PDZD2: variants seen among roughly 807,000 people sequenced by gnomAD.
PDZD2 encodes PDZ domain-containing protein 2.
In PDZD2, 90 loss-of-function variants were observed where a neutral mutation model predicts 220.7. That is an observed-to-expected ratio of 0.41 (90% CI 0.34 to 0.49). The LOEUF is 0.49. Among genes scored for constraint, PDZD2 ranks in the 20% least tolerant of loss-of-function variants. PDZD2 has a pLI of 0.28. For synonymous variants in PDZD2, 1,375 were observed against 1,450.5 expected, an observed-to-expected ratio of 0.95 and a Z score of 1.18; for missense variants, 3,174 against 3,608.5, an observed-to-expected ratio of 0.88 and a Z score of 3.08.
intron 2 of PDZD2, among the ~76,000 whole-genome samples, chr5:31,961,817 T>A (rs1056663442): frequency 2.6e-5 from 4 of 152,156 alleles, no homozygotes; most frequent in Non-Finnish European, 4.4e-5. Flanking sequence ...CTAATTTCTG[T>A]ATTTTTAGTA....
rs1743972832 is a variant in PDZD2 at position 32,098,771 on chromosome 5, G to A, written c.8218+137G>A. On this transcript the variant is annotated intron_variant, in intron 23 of 24. Coordinates refer to ENST00000438447, the MANE Select transcript of PDZD2 (RefSeq NM_178140.4). This position sits in a 1 kb window ranked among gnomAD's most constrained non-coding sequence, Gnocchi z 4.1. ...AAATGTAGCGAAGTCTAGTGTGTTT[G>A]GATGCTGCTTACAAAAGCAGTGTTA... is the stretch of plus-strand genomic sequence containing the variant. The A allele has an allele frequency of 1.3e-6, 1 of 781,418 alleles. No homozygotes were observed. The highest frequency in any genetic ancestry group is 1.7e-5 in the African/African-American group (1 of 57,270). 48.4% of individuals were successfully genotyped at this position (781,418 alleles called of 1,614,324 possible).
intron 2 of PDZD2, among the ~76,000 whole-genome samples, chr5:31,946,495 G>A (rs987923439): frequency 5.8e-4 from 89 of 152,208 alleles, no homozygotes; most frequent in African/African-American, 2.1e-3. Flanking sequence ...GGGAATAGAG[G>A]AATTCCTTGG....
rs1744870330 is a variant in PDZD2 at position 31,639,751 on chromosome 5, C to T, written c.-361+314C>T. 6.6e-6 allele frequency among the ~76,000 whole-genome samples: 1 copy of T among 152,174 alleles called. No individual in the cohort carries two copies. The highest frequency in any genetic ancestry group is 2.1e-4 in the South Asian group (1 of 4,824). The stretch of plus-strand genomic sequence containing the variant: ...GGGGTACTCAAGACAGGGCCGGGAC[C>T]TCCTGCTCGGGCGCGCATCCCGGGT... On this transcript the variant is annotated intron_variant, in intron 1 of 24. Transcript: ENST00000438447. This position sits in a 1 kb window ranked among gnomAD's most constrained non-coding sequence, Gnocchi z 4.1.
At position 31,700,379 on chromosome 5, in the gene PDZD2, C is replaced by A. The variant is rs114748969; in HGVS notation, c.-361+60942C>A. ...GTTGGTGGAGGATGAGCTTGGGATG[C>A]GTGTGTTAAAGAGATGATTTCCAGT... On this transcript the variant is annotated intron_variant, in intron 1 of 24. Transcript: ENST00000438447. 4.2e-3 allele frequency among the ~76,000 whole-genome samples: 638 copies of A among 151,986 alleles called. 8 individuals are homozygous for A. Among genetic ancestry groups the A allele is most frequent in the African/African-American group, 0.014 (594 of 41,460 alleles).
intron 2 of PDZD2, among the ~76,000 whole-genome samples, chr5:31,835,327 G>C (rs559276131): frequency 1.3e-5 from 2 of 152,196 alleles, no homozygotes; most frequent in Non-Finnish European, 2.9e-5. Context: ...TTTCAAAAGT[G>C]TTTCTTTTAG....
At chr5:32,003,133 ACCAC>A in intron 5 of PDZD2, among the ~76,000 whole-genome samples, 1 of 13,862 alleles carries the variant, frequency 7.2e-5, no homozygotes, top group East Asian at 2.2e-3. Context: ...CCACACACAC[ACCAC>A]ACACACACCA....
At chr5:32,025,431 A>G (rs372810391) in intron 6 of PDZD2, among the ~76,000 whole-genome samples, 2 of 151,386 alleles carry the variant, frequency 1.3e-5, no homozygotes, top group South Asian at 2.1e-4. Context: ...AGGCTGAGGC[A>G]GGAGAATCAC....
Position 32,064,832 on chromosome 5 carries a change from C to T in PDZD2, c.2451+3698C>T, listed in dbSNP as rs1740065303. Among the ~76,000 whole-genome samples, 3 of 150,276 alleles carry T rather than the reference C, an allele frequency of 2.0e-5. No individual in the cohort carries two copies. The Admixed American group carries it at 2.0e-4, about 10-fold the overall frequency. ...AAAATACAAAAATTAGCCGGGTGTG[C>T]TGGCGGCTGCCTGTAATCCCAGGTA... On this transcript the variant is annotated intron_variant, in intron 14 of 24. Transcript: ENST00000438447.
intron 2 of PDZD2, among the ~76,000 whole-genome samples, chr5:31,812,091 G>GT (rs1755157416): frequency 6.6e-6 from 1 of 152,064 alleles, no homozygotes; most frequent in Non-Finnish European, 1.5e-5. Flanking sequence ...GCAAGTCTGG[G>GT]TTTTTCCCTG....
At chr5:31,794,393 C>CTTTTTTT (rs34331530) in intron 1 of PDZD2, among the ~76,000 whole-genome samples, 31 of 105,232 alleles carry the variant, frequency 2.9e-4, no homozygotes, top group Non-Finnish European at 3.9e-4. Context: ...TTCTTTCTTT[C>CTTTTTTT]TTTTTTTTTT....
chr5:32,100,681 C>T (rs1229248217), intron 23 of PDZD2: 2 of 375,838 alleles, frequency 5.3e-6, no homozygotes, highest in South Asian at 2.0e-5. Flanking sequence ...AGTCTTGGTA[C>T]CAGAGGATGA....
chr5:31,989,347 T>C (rs554902039), intron 3 of PDZD2, among the ~76,000 whole-genome samples: 126 of 152,266 alleles, frequency 8.3e-4, no homozygotes, highest in Middle Eastern at 3.4e-3. Context: ...TCCATCCATG[T>C]TGCTGCAAAA....
intron 2 of PDZD2, among the ~76,000 whole-genome samples, chr5:31,840,330 A>G (rs1265976144): frequency 6.8e-6 from 1 of 147,308 alleles, no homozygotes. Context: ...TTTAATTACA[A>G]TGGGCCTTGC....
At chr5:31,832,391 C>T (rs1756656247) in intron 2 of PDZD2, 1 of 152,192 alleles carries the variant, frequency 6.6e-6, no homozygotes, top group African/African-American at 2.4e-5. Flanking sequence ...CTCAACTGTA[C>T]ACTTGAAAAT....
intron 2 of PDZD2, among the ~76,000 whole-genome samples, chr5:31,888,805 T>C (rs1740755622): frequency 6.6e-6 from 1 of 152,180 alleles, no homozygotes; most frequent in South Asian, 2.1e-4. Context: ...ATAAATGCTC[T>C]GAGGGATAGG....
chr5:32,050,277 C>A (rs1418333368), intron 8 of PDZD2, among the ~76,000 whole-genome samples: 1 of 152,144 alleles, frequency 6.6e-6, no homozygotes, highest in Non-Finnish European at 1.5e-5. Flanking sequence ...GCCATCATGG[C>A]CACAGATCGA....
At chr5:31,666,619 G>A (rs1357814984) in intron 1 of PDZD2, among the ~76,000 whole-genome samples, 1 of 152,166 alleles carries the variant, frequency 6.6e-6, no homozygotes, top group African/African-American at 2.4e-5. Flanking sequence ...TTAGGAAGGG[G>A]ACTGAGCTAA....
chr5:31,996,503 T>G lies in PDZD2; in HGVS notation c.1121+785T>G, dbSNP rs141422934. On this transcript the variant is annotated intron_variant, in intron 4 of 24. Transcript: ENST00000438447. ...AGGCGGATCACCTGAGATCAGGAGT[T>G]CCAGACCAGCCTGGCCAACAGGTGA... Among the ~76,000 whole-genome samples the G allele has an allele frequency of 3.9e-3, 596 of 152,172 alleles. 1 individual carries two copies. The highest frequency in any genetic ancestry group is 0.01 in the Middle Eastern group (3 of 294).
At chr5:31,726,282 G>T (rs552625012) in intron 1 of PDZD2, among the ~76,000 whole-genome samples, 1 of 152,096 alleles carries the variant, frequency 6.6e-6, no homozygotes, top group East Asian at 1.9e-4. Flanking sequence ...TAATCCCACC[G>T]CTTTGGGAGG....
Sources: allele counts gnomAD v4.1 joint callset (sites outside exome capture counted in the v4.1 genomes callset), GRCh38; gene constraint gnomAD v4.1.1; non-coding constraint Gnocchi (gnomAD v3.1); transcripts MANE v1.5; gene names NCBI Gene and HGNC (gene_info 2026-07-23, HGNC 2026-07-21).